PRPF38A: variants seen among roughly 807,000 people sequenced by gnomAD.
The protein encoded by PRPF38A is pre-mRNA processing factor 38A, also known as pre-mRNA-splicing factor 38A.
A neutral mutation model predicts 46.8 loss-of-function variants in PRPF38A; 11 were observed. That is an observed-to-expected ratio of 0.24 (90% confidence interval 0.15 to 0.39). The LOEUF (loss-of-function observed/expected upper bound fraction) is 0.39. Ranked by LOEUF, PRPF38A falls within the 10% of genes least tolerant of loss-of-function variation. PRPF38A has a pLI of 1.00. For synonymous variants in PRPF38A, 124 were observed against 136.2 expected (o/e 0.91, Z 0.62); for missense variants, 261 against 407.5 (o/e 0.64, Z 3.10).
At chr1:52,411,951 G>T (rs1303489863) in intron 4 of PRPF38A, among the ~76,000 whole-genome samples, 2 of 152,124 alleles carry the variant, frequency 1.3e-5, no homozygotes, top group Non-Finnish European at 2.9e-5. Flanking sequence ...GTCTCCCAAG[G>T]AGCTGGGACC....
intron 6 of PRPF38A, 115 bp from the exon 7 acceptor site, chr1:52,414,506 T>C (rs528846475): frequency 1.9e-6 from 2 of 1,075,944 alleles, no homozygotes; most frequent in Non-Finnish European, 2.8e-6. Flanking sequence ...ACAAAAGACA[T>C]GGATACAGAG....
intron 9 of PRPF38A, 50 bp from the exon 10 acceptor site, chr1:52,416,598 C>G (rs745357790): frequency 3.2e-5 from 47 of 1,469,522 alleles, no homozygotes; most frequent in Non-Finnish European, 3.8e-5. Context: ...CGTGAGCCAC[C>G]GTGCCTGGCT....
chr1:52,414,861 T>C lies in PRPF38A; in HGVS notation c.847+2T>C. 6.2e-7 allele frequency: 1 copy of C among 1,613,846 alleles called. No individual in the cohort carries two copies. On this transcript the variant is annotated splice_donor_variant, in intron 8 of 9. Transcript: ENST00000257181. LOFTEE classifies it high-confidence loss of function. ...ACAGATCCCGTTCCAAGTCCCCAGG[T>C]AAAGCTTGTGGGCCTTTTGCCACAG...
intron 6 of PRPF38A, among the ~76,000 whole-genome samples, chr1:52,414,244 C>T (rs1000389479): frequency 2.6e-5 from 4 of 152,118 alleles, no homozygotes; most frequent in African/African-American, 7.2e-5. Context: ...GTTCTGTTGT[C>T]GGCTGTCTAC....
rs1021293739 is a variant in PRPF38A at position 52,418,204 on chromosome 1, G to T, written c.*1514G>T. On this transcript the variant is annotated 3_prime_UTR_variant, in exon 10 of 10. Coordinates refer to ENST00000257181, the MANE Select transcript of PRPF38A (RefSeq NM_032864.4). ...ATTTGAGCTTTCATATTCTTCAATG[G>T]TTCCTTTCGTAATACCTGAGTTAAT... The T allele has an allele frequency of 6.6e-6, 1 of 152,522 alleles. No individual in the cohort carries two copies. The highest frequency in any genetic ancestry group is 1.5e-5 in the Non-Finnish European group (1 of 68,020). 9.4% of individuals were successfully genotyped at this position (152,522 alleles called of 1,614,324 possible). A position where few individuals can be genotyped will look rare whatever the true frequency, so the allele number is the denominator to read the frequency against.
chr1:52,407,992 G>C (rs1363044339), intron 2 of PRPF38A, among the ~76,000 whole-genome samples: 1 of 152,266 alleles, frequency 6.6e-6, no homozygotes, highest in Admixed American at 6.5e-5. Context: ...GGAGGTGGAG[G>C]CTGCAGTGAA....
chr1:52,408,093 T>C (rs1276141966), intron 2 of PRPF38A, among the ~76,000 whole-genome samples: 2 of 150,062 alleles, frequency 1.3e-5, no homozygotes, highest in African/African-American at 4.9e-5. Context: ...ATACAAAAAT[T>C]AGCTGGGCAT....
Position 52,404,636 on chromosome 1 carries a change from T to G in PRPF38A, c.-114T>G, listed in dbSNP as rs946757729. The G allele has an allele frequency of 1.6e-6, 2 of 1,217,682 alleles. No homozygotes were observed. Among genetic ancestry groups the G allele is most frequent in the African/African-American group, 3.0e-5 (2 of 65,866 alleles). 75.4% of individuals were successfully genotyped at this position (1,217,682 alleles called of 1,614,324 possible). A position where few individuals can be genotyped will look rare whatever the true frequency, so the allele number is the denominator to read the frequency against. ...TGTTTCCGGCTTCAAGATGGTCGCC[T>G]AAGCTGTTTAGTGAAACTTCTTCCA... is the stretch of plus-strand genomic sequence containing the variant. On this transcript the variant is annotated 5_prime_UTR_variant, in exon 1 of 10. The change abolishes the stop of an existing upstream ORF in the 5' untranslated region. Coordinates refer to ENST00000257181, the MANE Select transcript of PRPF38A (RefSeq NM_032864.4).
chr1:52,413,916 G>A lies in PRPF38A; in HGVS notation c.647G>A (p.Ser216Asn), dbSNP rs142150881. 4.3e-6 allele frequency: 7 copies of A among 1,613,808 alleles called. No individual in the cohort carries two copies. Among genetic ancestry groups the A allele is most frequent in the Non-Finnish European group, 5.9e-6 (7 of 1,179,954 alleles). Residue 216 changes from serine to asparagine, a missense_variant, in exon 6 of 10, where the codon AGC (serine) becomes AAC (asparagine). Ser to Asn is a conservative substitution (Grantham distance 46). Around this residue, in one of 2 missense-constraint regions of PRPF38A, gnomAD observed 180 missense variants for 221.0 expected, o/e 0.81. Transcript: ENST00000257181. ...RVPSPDHRRR[S>N]YRDLDKPRRS... Reference sequence around the variant, plus strand: ...CCATCACCTGATCACCGCCGGAGAAGCTACCGAGACTTGGACAAGCCCCGT... The same window carrying A: ...CCATCACCTGATCACCGCCGGAGAAACTACCGAGACTTGGACAAGCCCCGT...
intron 2 of PRPF38A, 86 bp downstream of exon 2, chr1:52,405,925 G>A: frequency 7.3e-6 from 8 of 1,098,898 alleles, no homozygotes; most frequent in Non-Finnish European, 1.1e-5. Context: ...TGTACACAAT[G>A]TATCTCATTT....
At chr1:52,411,341 C>T (rs955944136) in intron 4 of PRPF38A, 141 bp downstream of exon 4, 6 of 606,620 alleles carry the variant, frequency 9.9e-6, no homozygotes, top group African/African-American at 9.4e-5. Context: ...TCTGGGAGTC[C>T]CAAGATAGTG....
At position 52,411,197 on chromosome 1, in the gene PRPF38A, A is replaced by G. The variant is rs1648139990; in HGVS notation, c.495A>G (p.Leu165=). ...ERVCDIILPR[L]QKRYVLEEAE... ...TCTGTGATATCATTCTGCCCCGACT[A>G]CAGGTAAGAAATAAAAGTCTGTTAC... The change falls in exon 4 of 10, where the codon CTA becomes CTG. Residue 165 remains leucine (L), a synonymous_variant. Coordinates refer to ENST00000257181, the MANE Select transcript of PRPF38A (RefSeq NM_032864.4). The G allele has an allele frequency of 6.2e-7, 1 of 1,610,054 alleles. No individual in the cohort carries two copies. The highest frequency in any genetic ancestry group is 8.5e-7 in the Non-Finnish European group (1 of 1,176,852).
At chr1:52,415,192 C>T (rs935137020) in intron 8 of PRPF38A, 146 bp from the exon 9 acceptor site, 21 of 716,892 alleles carry the variant, frequency 2.9e-5, no homozygotes, top group Non-Finnish European at 4.2e-5. Flanking sequence ...TCTTCCTCCA[C>T]TAATTCAGAG....
rs140192933 is a variant in PRPF38A at position 52,405,270 on chromosome 1, G to C, written c.130+391G>C. ...TCTTACTATTCTTAGATCTGGGCCG[G>C]TTCCAGTATTTATAAATATCAGTGC... On this transcript the variant is annotated intron_variant, in intron 1 of 9. Transcript: ENST00000257181. 3.8e-3 allele frequency among the ~76,000 whole-genome samples: 585 copies of C among 152,314 alleles called. 1 individual carries two copies. Among genetic ancestry groups the C allele is most frequent in the Admixed American group, 7.1e-3 (108 of 15,296 alleles).
intron 3 of PRPF38A, among the ~76,000 whole-genome samples, chr1:52,409,839 G>C (rs1185485584): frequency 6.6e-6 from 1 of 151,864 alleles, no homozygotes; most frequent in Non-Finnish European, 1.5e-5. Flanking sequence ...TTTTGTGTGA[G>C]GATTGGCTTG....
chr1:52,407,743 A>C (rs762158913), intron 2 of PRPF38A, among the ~76,000 whole-genome samples: 31 of 152,120 alleles, frequency 2.0e-4, no homozygotes, highest in Non-Finnish European at 3.5e-4. Flanking sequence ...CAACATGGGG[A>C]AACCCCGTCT....
Position 52,404,726 on chromosome 1 carries a change from A to T in PRPF38A, c.-24A>T. 1 of 1,610,018 alleles carries T rather than the reference A, an allele frequency of 6.2e-7. No individual in the cohort carries two copies. The highest frequency in any genetic ancestry group is 2.2e-5 in the East Asian group (1 of 44,864). The stretch of plus-strand genomic sequence containing the variant: ...TGTGAGGCATTAAAGGATCCGACGG[A>T]AATAGAATTGAAGGCATTCTAAAAT... On this transcript the variant is annotated 5_prime_UTR_variant, in exon 1 of 10. Coordinates refer to ENST00000257181, the MANE Select transcript of PRPF38A (RefSeq NM_032864.4).
chr1:52,420,590 A>G lies in PRPF38A; in HGVS notation c.*3900A>G, dbSNP rs549532997. The stretch of plus-strand genomic sequence containing the variant: ...AAGTATTTAAATTGAGCATTTTTTC[A>G]GTTTCACACTTGTTTTCCTTTTGTT... On this transcript the variant is annotated 3_prime_UTR_variant, in exon 10 of 10. Transcript: ENST00000257181. The G allele has an allele frequency of 2.0e-5, 3 of 152,164 alleles. No individual in the cohort carries two copies. The highest frequency in any genetic ancestry group is 2.0e-4 in the Admixed American group (3 of 15,280). 9.4% of individuals were successfully genotyped at this position (152,164 alleles called of 1,614,324 possible).
chr1:52,407,251 C>T (rs1027665492), intron 2 of PRPF38A, among the ~76,000 whole-genome samples: 4 of 152,170 alleles, frequency 2.6e-5, no homozygotes, highest in South Asian at 2.1e-4. Context: ...TCTCCTGACC[C>T]GGTGACCCAC....
Sources: allele counts gnomAD v4.1 joint callset (sites outside exome capture counted in the v4.1 genomes callset), GRCh38; gene constraint gnomAD v4.1.1; regional missense constraint gnomAD v4.1.1; transcripts MANE v1.5; gene names NCBI Gene and HGNC (gene_info 2026-07-23, HGNC 2026-07-21).